Variants in CSMD3 observed in about 807,000 individuals in gnomAD.
CSMD3 encodes CUB and Sushi multiple domains 3.
In CSMD3, 177 loss-of-function variants were observed where a neutral mutation model predicts 435.2. The ratio of observed to expected loss-of-function variants is 0.41; its 90% confidence interval spans 0.36 to 0.46. CSMD3 has a LOEUF of 0.46. Among genes scored for constraint, CSMD3 ranks in the 20% least tolerant of loss-of-function variants. The probability of loss-of-function intolerance (pLI) is 0.34; values close to 1 mark genes in which losing one functional copy is unlikely to be tolerated. For synonymous variants in CSMD3, 1,656 were observed against 1,520.5 expected, an observed-to-expected ratio of 1.09 and a Z score of -2.07; for missense variants, 4,265 against 4,504.6, an observed-to-expected ratio of 0.95 and a Z score of 1.52.
chr8:113,104,799 A>T (rs1242185457), intron 4 of CSMD3, among the ~76,000 whole-genome samples: 1 of 152,122 alleles, frequency 6.6e-6, no homozygotes, highest in South Asian at 2.1e-4. Flanking sequence ...ATCAAAGAAA[A>T]ATATTCAATA....
At chr8:113,142,451 C>A (rs1294793721) in intron 4 of CSMD3, among the ~76,000 whole-genome samples, 4 of 150,894 alleles carry the variant, frequency 2.7e-5, no homozygotes, top group Non-Finnish European at 5.9e-5. Context: ...AGTAGGGAAT[C>A]CATCAACAGA....
Position 113,172,222 on chromosome 8 carries a change from A to G in CSMD3, c.709+1500T>C, listed in dbSNP as rs550449918. 4.1e-4 allele frequency among the ~76,000 whole-genome samples: 63 copies of G among 152,168 alleles called. 1 individual carries two copies. In the South Asian group the frequency reaches 0.012, roughly 30 times the overall value. On this transcript the variant is annotated intron_variant, in intron 4 of 70. Transcript: ENST00000297405. ...CTTGAAAGTAGAGTAAAATGTCAGA[A>G]CTCTTCATAGTTCTTGATGTTTACC...
intron 4 of CSMD3, among the ~76,000 whole-genome samples, chr8:113,159,920 A>T (rs531998097): frequency 4.0e-5 from 6 of 151,856 alleles, no homozygotes; most frequent in Non-Finnish European, 8.8e-5. Context: ...TTCACTATCC[A>T]CTCTGGCTGG....
chr8:112,420,162 A>G (rs1199915033), intron 32 of CSMD3, among the ~76,000 whole-genome samples: 1 of 152,124 alleles, frequency 6.6e-6, no homozygotes, highest in African/African-American at 2.4e-5. Context: ...TATTATGTAA[A>G]ATTTCAAACA....
chr8:112,708,997 C>T (rs935316625), intron 13 of CSMD3, among the ~76,000 whole-genome samples: 8 of 151,968 alleles, frequency 5.3e-5, no homozygotes, highest in South Asian at 2.1e-4. Context: ...CTCTTGACTG[C>T]GTTTAAGTCT....
At chr8:113,374,714 C>T (rs1385722194) in intron 1 of CSMD3, among the ~76,000 whole-genome samples, 1 of 150,996 alleles carries the variant, frequency 6.6e-6, no homozygotes, top group Non-Finnish European at 1.5e-5. Context: ...CCTAATATAA[C>T]TCAGCAACAG....
At chr8:112,367,193 C>T (rs1279751293) in intron 38 of CSMD3, among the ~76,000 whole-genome samples, 1 of 152,044 alleles carries the variant, frequency 6.6e-6, no homozygotes, top group Non-Finnish European at 1.5e-5. Flanking sequence ...ACAATTTTTT[C>T]TTACTTTACA....
intron 10 of CSMD3, among the ~76,000 whole-genome samples, chr8:112,873,221 C>T (rs2081186147): frequency 6.6e-6 from 1 of 151,906 alleles, no homozygotes; most frequent in Non-Finnish European, 1.5e-5. Flanking sequence ...GCAGCTAGAA[C>T]TAACCATTAA....
chr8:112,726,506 G>A (rs1218229208), intron 13 of CSMD3, among the ~76,000 whole-genome samples: 1 of 151,858 alleles, frequency 6.6e-6, no homozygotes, highest in East Asian at 1.9e-4. Context: ...AAGGTGGTTA[G>A]AGAAGGTATA....
At chr8:112,517,567 C>CA (rs551484857) in intron 27 of CSMD3, among the ~76,000 whole-genome samples, 3,259 of 148,642 alleles carry the variant, frequency 0.022, 45 homozygotes, top group Non-Finnish European at 0.033. Context: ...TCTCGAAACT[C>CA]AAAAAAAAAG....
rs1812402343 is a variant in CSMD3 at position 112,224,592 on chromosome 8, T to G, written c.*179A>C. The stretch of plus-strand genomic sequence containing the variant: ...AGCCAAATTTCTGTAAAACTCTCCA[T>G]GGTAAACATGAAGAATTATGGTCCA... On this transcript the variant is annotated 3_prime_UTR_variant, in exon 71 of 71. Transcript: ENST00000297405. The G allele has an allele frequency of 1.5e-6, 1 of 676,458 alleles. No homozygotes were observed. Among genetic ancestry groups the G allele is most frequent in the African/African-American group, 1.8e-5 (1 of 56,146 alleles). 41.9% of individuals were successfully genotyped at this position (676,458 alleles called of 1,614,324 possible).
intron 7 of CSMD3, among the ~76,000 whole-genome samples, chr8:112,967,953 T>C (rs1053341242): frequency 2.6e-5 from 4 of 151,436 alleles, no homozygotes; most frequent in East Asian, 1.9e-4. Context: ...AATAAATACA[T>C]AGTAGAATGT....
intron 34 of CSMD3, among the ~76,000 whole-genome samples, chr8:112,407,185 A>G (rs1213592572): frequency 6.6e-6 from 1 of 151,898 alleles, no homozygotes; most frequent in Admixed American, 6.6e-5. Context: ...ACAGTACTTT[A>G]TTAGTTTCAT....
intron 1 of CSMD3, among the ~76,000 whole-genome samples, chr8:113,375,536 C>CACACACACACACACACAT (rs1554623679): frequency 2.0e-5 from 3 of 150,542 alleles, no homozygotes; most frequent in East Asian, 2.0e-4. Flanking sequence ...CACACACACA[C>CACACACACACACACACAT]ACACACACAC....
At chr8:113,320,343 C>T (rs766028737) in intron 1 of CSMD3, among the ~76,000 whole-genome samples, 1 of 152,082 alleles carries the variant, frequency 6.6e-6, no homozygotes, top group African/African-American at 2.4e-5. Flanking sequence ...TTAGGTCTCA[C>T]TGTCATCAAG....
chr8:113,011,601 A>G (rs960224326), intron 6 of CSMD3, among the ~76,000 whole-genome samples: 16 of 151,936 alleles, frequency 1.1e-4, no homozygotes, highest in African/African-American at 3.6e-4. Flanking sequence ...TGCAATAACT[A>G]AAACTCCTTC....
chr8:113,390,064 T>C (rs545433704), intron 1 of CSMD3, among the ~76,000 whole-genome samples: 2 of 151,956 alleles, frequency 1.3e-5, no homozygotes, highest in Admixed American at 1.3e-4. Context: ...CCCAGACTGA[T>C]AGTGTCACAC....
At chr8:113,355,249 GTA>G (rs1474141001) in intron 1 of CSMD3, among the ~76,000 whole-genome samples, 6 of 151,908 alleles carry the variant, frequency 3.9e-5, no homozygotes, top group South Asian at 2.1e-4. Context: ...GTGTAGGTGT[GTA>G]TGTGTGTGTA....
At chr8:113,400,911 A>G (rs1007896945) in intron 1 of CSMD3, among the ~76,000 whole-genome samples, 2 of 151,850 alleles carry the variant, frequency 1.3e-5, no homozygotes, top group Non-Finnish European at 3.0e-5. Context: ...TTTGATTGGA[A>G]CAAGTTTAAT....
Sources: gnomAD v4.1 joint callset for allele counts (sites outside exome capture counted in the v4.1 genomes callset) on GRCh38, gnomAD v4.1.1 for gene constraint, MANE v1.5 for transcripts, NCBI Gene and HGNC (gene_info 2026-07-23, HGNC 2026-07-21) for gene names.